The following KCNMA1 variants were observed in gnomAD, a reference collection of about 807,000 sequenced individuals.
KCNMA1 encodes the protein potassium calcium-activated channel subfamily M alpha 1.
In KCNMA1, 29 loss-of-function variants were observed where a neutral mutation model predicts 140.0. The observed-to-expected ratio is 0.21, with a 90% confidence interval of 0.15 to 0.28. The LOEUF is 0.28. Among genes scored for constraint, KCNMA1 ranks in the 10% least tolerant of loss-of-function variants. The probability of loss-of-function intolerance (pLI) is 1.00; values close to 1 mark genes in which losing one functional copy is unlikely to be tolerated. For synonymous variants in KCNMA1, 612 were observed against 611.9 expected (o/e 1.00, Z 0.00); for missense variants, 880 against 1,602.2 (o/e 0.55, Z 7.70).
At chr10:77,165,037 A>G (rs73293927) in intron 5 of KCNMA1, among the ~76,000 whole-genome samples, 10,257 of 152,280 alleles carry the variant, frequency 0.067, 412 homozygotes, top group Middle Eastern at 0.16. Flanking sequence ...CTTCTGAAGA[A>G]TGAGTTGATT....
chr10:77,440,267 G>A (rs757884271), intron 1 of KCNMA1, among the ~76,000 whole-genome samples: 15 of 152,192 alleles, frequency 9.9e-5, no homozygotes, highest in Non-Finnish European at 1.5e-4. Flanking sequence ...TGGTCTAAGC[G>A]CTTTGCACGT....
intron 1 of KCNMA1, among the ~76,000 whole-genome samples, chr10:77,434,914 T>C (rs1288548768): frequency 6.6e-6 from 1 of 152,212 alleles, no homozygotes; most frequent in Admixed American, 6.5e-5. Context: ...TGCTATTCAC[T>C]AAACATTTTT....
At chr10:77,414,662 T>G (rs1403852566) in intron 1 of KCNMA1, among the ~76,000 whole-genome samples, 1 of 151,904 alleles carries the variant, frequency 6.6e-6, no homozygotes, top group East Asian at 1.9e-4. Context: ...CAGTAATTTT[T>G]TTTTTCCTAG....
At chr10:77,267,666 A>AT (rs1413714075) in intron 2 of KCNMA1, among the ~76,000 whole-genome samples, 1 of 152,198 alleles carries the variant, frequency 6.6e-6, no homozygotes, top group African/African-American at 2.4e-5. Context: ...TTCCCAAACC[A>AT]TAGCAACCCT....
At chr10:76,985,989 A>G (rs1252688501) in intron 19 of KCNMA1, among the ~76,000 whole-genome samples, 1 of 152,232 alleles carries the variant, frequency 6.6e-6, no homozygotes, top group African/African-American at 2.4e-5. Context: ...CACTTGAAAC[A>G]AATAAACCTC....
chr10:77,133,375 C>T (rs771567577), intron 5 of KCNMA1, among the ~76,000 whole-genome samples: 5 of 151,572 alleles, frequency 3.3e-5, no homozygotes, highest in African/African-American at 4.8e-5. Context: ...AAATTCCAGG[C>T]GCATGCTATT....
chr10:77,520,769 A>G (rs1248566), intron 1 of KCNMA1, among the ~76,000 whole-genome samples: 13,446 of 152,106 alleles, frequency 0.088, 741 homozygotes, highest in Admixed American at 0.14. Context: ...TCCTCAACAG[A>G]GAGGAAAGTC....
intron 20 of KCNMA1, among the ~76,000 whole-genome samples, chr10:76,965,306 C>T (rs1415474601): frequency 1.3e-5 from 2 of 152,172 alleles, no homozygotes; most frequent in Non-Finnish European, 2.9e-5. Context: ...TATCCCAGTC[C>T]TGGTCTACTA....
intron 2 of KCNMA1, among the ~76,000 whole-genome samples, chr10:77,285,993 C>A (rs982876159): frequency 6.6e-6 from 1 of 152,200 alleles, no homozygotes; most frequent in Non-Finnish European, 1.5e-5. Flanking sequence ...CCAGTCCTTA[C>A]TGCCTCCCTG....
intron 1 of KCNMA1, among the ~76,000 whole-genome samples, chr10:77,460,398 G>A (rs181694678): frequency 6.6e-6 from 1 of 152,026 alleles, no homozygotes; most frequent in African/African-American, 2.4e-5. Flanking sequence ...AGTATCTACC[G>A]AAAGGAAATC....
intron 17 of KCNMA1, among the ~76,000 whole-genome samples, chr10:77,013,465 T>C (rs1293612220): frequency 1.3e-5 from 2 of 152,152 alleles, no homozygotes; most frequent in African/African-American, 2.4e-5. Flanking sequence ...AGCTGACTGT[T>C]GACCCTGAGT....
At chr10:77,433,677 G>A (rs191186325) in intron 1 of KCNMA1, 1 of 152,240 alleles carries the variant, frequency 6.6e-6, no homozygotes, top group South Asian at 2.1e-4. Flanking sequence ...AAGTTACAGA[G>A]GGTTGCAACC....
rs547419133 is a variant in KCNMA1, at chr10:77,450,880, GA to G, written c.379-46858del. Among the ~76,000 whole-genome samples, 28 of 152,300 alleles carry G rather than the reference GA, an allele frequency of 1.8e-4. No individual in the cohort carries two copies. In the East Asian group the frequency reaches 5.4e-3, roughly 29 times the overall value. On this transcript the variant is annotated intron_variant, in intron 1 of 27. Transcript: ENST00000286628. ...GGGACCCAGTCAGGGGTAACAGAAT[GA>G]TGGGGGCATGTTTTTCCCATACTGT...
chr10:77,339,586 T>A (rs2090303105), intron 2 of KCNMA1, among the ~76,000 whole-genome samples: 2 of 152,290 alleles, frequency 1.3e-5, no homozygotes, highest in South Asian at 4.1e-4. Flanking sequence ...AAGACCTGCC[T>A]GCAACTCCCA....
At chr10:77,095,019 A>T (rs1418594617) in intron 9 of KCNMA1, among the ~76,000 whole-genome samples, 1 of 152,178 alleles carries the variant, frequency 6.6e-6, no homozygotes, top group Non-Finnish European at 1.5e-5. Flanking sequence ...TATTTTAGAC[A>T]TGTCATGTAC....
chr10:77,492,711 CCT>C (rs979838826), intron 1 of KCNMA1, among the ~76,000 whole-genome samples: 1 of 152,148 alleles, frequency 6.6e-6, no homozygotes, highest in African/African-American at 2.4e-5. Context: ...TCAGTCTTTC[CCT>C]GAGTTCCTGT....
chr10:77,438,177 G>T (rs1603619453), intron 1 of KCNMA1, among the ~76,000 whole-genome samples: 1 of 152,080 alleles, frequency 6.6e-6, no homozygotes, highest in African/African-American at 2.4e-5. Context: ...TCCCGCCTCA[G>T]CCTCCCAAGT....
At chr10:77,288,254 C>T (rs767939400) in intron 2 of KCNMA1, among the ~76,000 whole-genome samples, 1 of 152,218 alleles carries the variant, frequency 6.6e-6, no homozygotes, top group Non-Finnish European at 1.5e-5. Context: ...GCAAAGTCCC[C>T]AAGAGCAAAC....
intron 1 of KCNMA1, among the ~76,000 whole-genome samples, chr10:77,593,077 T>A (rs1165149956): frequency 6.6e-6 from 1 of 152,192 alleles, no homozygotes; most frequent in East Asian, 1.9e-4. Flanking sequence ...CTAAGCACTG[T>A]CCACATGCGC....
Sources: gnomAD v4.1 joint callset for allele counts (sites outside exome capture counted in the v4.1 genomes callset) on GRCh38, gnomAD v4.1.1 for gene constraint, MANE v1.5 for transcripts, NCBI Gene and HGNC (gene_info 2026-07-23, HGNC 2026-07-21) for gene names.